The following LDLRAD3 variants were observed in gnomAD, a reference collection of about 807,000 sequenced individuals.
LDLRAD3 encodes low-density lipoprotein receptor class A domain-containing protein 3.
Under a neutral mutation model 29.4 loss-of-function variants are expected in LDLRAD3, and 20 were observed. The ratio of observed to expected loss-of-function variants is 0.68; its 90% CI spans 0.48 to 0.99. The LOEUF (loss-of-function observed/expected upper bound fraction) is 0.99. Among genes scored for constraint, LDLRAD3 ranks in the 50% least tolerant of loss-of-function variants. LDLRAD3 has a pLI of 0.00. For missense variants in LDLRAD3, 420 were observed against 454.3 expected, an observed-to-expected ratio of 0.92 and a Z score of 0.69; for synonymous variants, 157 against 192.7, an observed-to-expected ratio of 0.81 and a Z score of 1.53.
At chr11:36,061,641 C>G (rs1468950027) in intron 2 of LDLRAD3, among the ~76,000 whole-genome samples, 2 of 152,132 alleles carry the variant, frequency 1.3e-5, no homozygotes, top group African/African-American at 4.8e-5. Flanking sequence ...GCTCTTTTCA[C>G]TATAATAAAT....
intron 3 of LDLRAD3, among the ~76,000 whole-genome samples, chr11:36,088,815 G>A (rs956916371): frequency 2.6e-5 from 4 of 152,084 alleles, no homozygotes; most frequent in Admixed American, 2.0e-4. Flanking sequence ...GCCAAGGCTG[G>A]GCTGGGTCAT....
At chr11:35,967,699 C>T in intron 1 of LDLRAD3, 1 of 474,892 alleles carries the variant, frequency 2.1e-6, no homozygotes, top group South Asian at 1.6e-5. Context: ...CCGGGTGCAC[C>T]ATGCCAGAGT....
intron 4 of LDLRAD3, among the ~76,000 whole-genome samples, chr11:36,144,546 G>A (rs1184264797): frequency 6.7e-6 from 1 of 149,710 alleles, no homozygotes; most frequent in Non-Finnish European, 1.5e-5. Flanking sequence ...CTGCCGCCCC[G>A]TCTGGGATGT....
At chr11:36,099,584 G>T (rs1853415778) in intron 4 of LDLRAD3, among the ~76,000 whole-genome samples, 1 of 152,174 alleles carries the variant, frequency 6.6e-6, no homozygotes, top group African/African-American at 2.4e-5. Context: ...GAGAATGATG[G>T]TTAACTGCTT....
chr11:36,034,561 T>C (rs982957690), intron 1 of LDLRAD3, among the ~76,000 whole-genome samples: 1 of 152,242 alleles, frequency 6.6e-6, no homozygotes, highest in Non-Finnish European at 1.5e-5. Flanking sequence ...GCATGTGCGT[T>C]ATTAATTCTG....
intron 2 of LDLRAD3, among the ~76,000 whole-genome samples, chr11:36,072,065 G>A (rs1395746238): frequency 6.6e-6 from 1 of 152,184 alleles, no homozygotes; most frequent in Non-Finnish European, 1.5e-5. Flanking sequence ...TGGTGATATT[G>A]TGGAACAGCT....
At chr11:36,134,491 C>G (rs955320862) in intron 4 of LDLRAD3, among the ~76,000 whole-genome samples, 1 of 152,150 alleles carries the variant, frequency 6.6e-6, no homozygotes, top group African/African-American at 2.4e-5. Flanking sequence ...GTTTCTTCAT[C>G]CAGAGCTCTC....
At chr11:36,019,646 A>G (rs1852068719) in intron 1 of LDLRAD3, among the ~76,000 whole-genome samples, 1 of 152,114 alleles carries the variant, frequency 6.6e-6, no homozygotes, top group Middle Eastern at 3.2e-3. Context: ...TTACCTCTCC[A>G]GTAGTAAAGG....
intron 4 of LDLRAD3, among the ~76,000 whole-genome samples, chr11:36,162,708 T>A (rs1854460409): frequency 6.6e-6 from 1 of 152,204 alleles, no homozygotes; most frequent in Non-Finnish European, 1.5e-5. Context: ...CACTGGAGAC[T>A]GACTTAATTA....
At chr11:36,165,976 C>CCCTTCCTTCCTTCCTT (rs1242167369) in intron 4 of LDLRAD3, among the ~76,000 whole-genome samples, 5 of 101,468 alleles carry the variant, frequency 4.9e-5, no homozygotes, top group African/African-American at 2.6e-4. Flanking sequence ...CTCCCTCCCT[C>CCCTTCCTTCCTTCCTT]CCTTCCTTCC....
At chr11:36,026,456 C>T (rs1028432781) in intron 1 of LDLRAD3, among the ~76,000 whole-genome samples, 3 of 152,170 alleles carry the variant, frequency 2.0e-5, no homozygotes, top group East Asian at 1.9e-4. Flanking sequence ...GTGTCAGAGG[C>T]ATTTAAACCA....
intron 3 of LDLRAD3, among the ~76,000 whole-genome samples, chr11:36,087,280 G>A (rs1160432548): frequency 4.6e-5 from 7 of 152,082 alleles, no homozygotes; most frequent in African/African-American, 1.4e-4. Flanking sequence ...TTTAAATCAT[G>A]GTTTGATACT....
At chr11:36,072,383 G>A (rs1271258966) in intron 2 of LDLRAD3, among the ~76,000 whole-genome samples, 1 of 152,208 alleles carries the variant, frequency 6.6e-6, no homozygotes, top group Non-Finnish European at 1.5e-5. Flanking sequence ...GAGACAGCAA[G>A]CCCATGCTGA....
At chr11:36,153,602 C>A (rs1440738784) in intron 4 of LDLRAD3, among the ~76,000 whole-genome samples, 1 of 152,176 alleles carries the variant, frequency 6.6e-6, no homozygotes, top group Non-Finnish European at 1.5e-5. Context: ...TTACCAAGTA[C>A]ATGTTCTTAA....
At chr11:36,102,332 T>C (rs549456557) in intron 4 of LDLRAD3, among the ~76,000 whole-genome samples, 58 of 152,194 alleles carry the variant, frequency 3.8e-4, no homozygotes, top group Non-Finnish European at 7.1e-4. Flanking sequence ...CTCTCAGTTA[T>C]GTGGGAGAAA....
At chr11:35,961,238 G>A (rs557552430) in intron 1 of LDLRAD3, among the ~76,000 whole-genome samples, 1 of 152,340 alleles carries the variant, frequency 6.6e-6, no homozygotes, top group South Asian at 2.1e-4. Context: ...GTGATGCTGG[G>A]ACCATTCATC....
At chr11:36,063,983 C>T (rs1049754699) in intron 2 of LDLRAD3, among the ~76,000 whole-genome samples, 2 of 152,116 alleles carry the variant, frequency 1.3e-5, no homozygotes, top group African/African-American at 4.8e-5. Context: ...GTTCCATAGA[C>T]TCTGTGGATC....
intron 4 of LDLRAD3, among the ~76,000 whole-genome samples, chr11:36,205,337 T>G (rs919903363): frequency 3.3e-5 from 5 of 152,156 alleles, no homozygotes; most frequent in African/African-American, 4.8e-5. Flanking sequence ...CTTTTCGTGC[T>G]CCCCTCTGCG....
At chr11:36,047,872 T>C (rs1449071660) in intron 2 of LDLRAD3, among the ~76,000 whole-genome samples, 1 of 152,198 alleles carries the variant, frequency 6.6e-6, no homozygotes, top group Non-Finnish European at 1.5e-5. Context: ...GCTGTACTCT[T>C]CCTGGCAGTG....
Sources: allele counts gnomAD v4.1 joint callset (sites outside exome capture counted in the v4.1 genomes callset), GRCh38; gene constraint gnomAD v4.1.1; transcripts MANE v1.5; gene names NCBI Gene and HGNC (gene_info 2026-07-23, HGNC 2026-07-21).